WDR54: variants seen among roughly 807,000 people sequenced by gnomAD.
The protein encoded by WDR54 is WD repeat-containing protein 54.
In WDR54, 44 loss-of-function variants were observed where a neutral mutation model predicts 44.1. That is an observed-to-expected ratio of 1.00 (90% confidence interval 0.78 to 1.28). WDR54 has a LOEUF of 1.28. Ranked by LOEUF, WDR54 falls within the 50% of genes most tolerant of loss-of-function variation. The pLI, the probability that WDR54 is intolerant of heterozygous loss-of-function variation, is 0.00. For missense variants in WDR54, 409 were observed against 429.7 expected (o/e 0.95, Z 0.43); for synonymous variants, 169 against 169.8 (o/e 1.00, Z 0.04).
Position 74,423,870 on chromosome 2 carries a change from G to C in WDR54, c.422G>C (p.Arg141Pro), listed in dbSNP as rs753843700. ...HFICVGTWSG[R>P]VLVFDIPAKG... ...CTGGATACAGGAACGTGGTCAGGCCGGGTGCTGGTGTTTGACATCCCAGCA... is the reference window on the plus strand; with the variant it reads ...CTGGATACAGGAACGTGGTCAGGCCCGGTGCTGGTGTTTGACATCCCAGCA... Residue 141 changes from arginine to proline, a missense_variant, in exon 6 of 10, where the codon CGG becomes CCG. Coordinates refer to ENST00000348227, the MANE Select transcript of WDR54 (RefSeq NM_032118.4). 1.2e-6 allele frequency: 2 copies of C among 1,613,990 alleles called. No homozygotes were observed. Among genetic ancestry groups the C allele is most frequent in the African/African-American group, 2.7e-5 (2 of 74,906 alleles).
chr2:74,424,178 G>C (rs1309853558), intron 6 of WDR54, among the ~76,000 whole-genome samples, 196 bp downstream of exon 6: 2 of 152,222 alleles, frequency 1.3e-5, no homozygotes, highest in African/African-American at 4.8e-5. Flanking sequence ...AGTTAATTAA[G>C]ACTTTATAAT....
At chr2:74,424,839 G>A in intron 6 of WDR54, 36 bp from the exon 7 acceptor site, 1 of 1,613,006 alleles carries the variant, frequency 6.2e-7, no homozygotes, top group Admixed American at 1.7e-5. Flanking sequence ...CATAGCAGGG[G>A]AGAAAGGGAA....
In WDR54 at chr2:74,422,355, A is replaced by C. The variant is rs775681644; in HGVS notation, c.202A>C (p.Ser68Arg). 8.1e-6 allele frequency: 13 copies of C among 1,612,988 alleles called. No individual in the cohort carries two copies. In the African/African-American group the frequency reaches 1.3e-4, roughly 17 times the overall value. Reference protein sequence around the residue: ...QLHAKEGAGVSPPLITQVHWC... With the variant: ...QLHAKEGAGVRPPLITQVHWC... ...CCACGCTAAGGAGGGTGCTGGAGTG[A>C]GTCCCCCACTTATCACTCAGGTGAG... The change falls in exon 2 of 10, where the codon AGT becomes CGT. Residue 68 changes from serine to arginine, a missense_variant. Transcript: ENST00000348227.
chr2:74,423,784 G>A (rs1337070830), intron 5 of WDR54, 71 bp from the exon 6 acceptor site: 15 of 1,588,436 alleles, frequency 9.4e-6, no homozygotes, highest in East Asian at 2.2e-5. Context: ...GATGGAGTAA[G>A]TGTTGAGTAT....
intron 3 of WDR54, 108 bp from the exon 4 acceptor site, chr2:74,423,211 C>A: frequency 7.6e-7 from 1 of 1,318,294 alleles, no homozygotes; most frequent in Non-Finnish European, 1.1e-6. Context: ...GTACCTACAT[C>A]CCAGATTTGT....
At chr2:74,424,431 A>G (rs1475650836) in intron 6 of WDR54, among the ~76,000 whole-genome samples, 1 of 152,230 alleles carries the variant, frequency 6.6e-6, no homozygotes. Flanking sequence ...ACCTCTTGAG[A>G]ACAGGGTGTA....
chr2:74,422,481 G>C, intron 2 of WDR54, 106 bp downstream of exon 2: 1 of 1,309,604 alleles, frequency 7.6e-7, no homozygotes, highest in Non-Finnish European at 1.0e-6. Flanking sequence ...AATCTCCCCA[G>C]GCATGTCCTA....
intron 2 of WDR54, 159 bp downstream of exon 2, chr2:74,422,534 C>G: frequency 1.1e-6 from 1 of 885,404 alleles, no homozygotes; most frequent in Non-Finnish European, 1.7e-6. Context: ...GTGGCTCACG[C>G]CTGTAATCCC....
At chr2:74,424,394 A>G (rs1394111156) in intron 6 of WDR54, among the ~76,000 whole-genome samples, 1 of 151,862 alleles carries the variant, frequency 6.6e-6, no homozygotes, top group Non-Finnish European at 1.5e-5. Flanking sequence ...TCAAAAGACA[A>G]CTCTTGTCTC....
Position 74,425,062 on chromosome 2 carries a change from G to A in WDR54, c.636-13G>A. 6.2e-7 allele frequency: 1 copy of A among 1,611,808 alleles called. No homozygotes were observed. Among genetic ancestry groups the A allele is most frequent in the East Asian group, 2.2e-5 (1 of 44,810 alleles). On this transcript the variant is annotated splice_polypyrimidine_tract_variant and intron_variant, in intron 7 of 9. Transcript: ENST00000348227. ...TGATCTGGGCAAAACAAAGTTGGGT[G>A]TCACCCTTGCAGAGTTCCGTGCCCC... is the stretch of plus-strand genomic sequence containing the variant.
At chr2:74,424,780 C>A in intron 6 of WDR54, 95 bp from the exon 7 acceptor site, 1 of 1,494,268 alleles carries the variant, frequency 6.7e-7, no homozygotes. Flanking sequence ...CCTGGAGAGG[C>A]AAAGATGCAC....
chr2:74,425,505 G>T lies in WDR54; in HGVS notation c.873+14G>T. On this transcript the variant is annotated intron_variant, in intron 9 of 9. Transcript: ENST00000348227. ...GGCTACATTGAGGTATGTGTCATGG[G>T]GTGGGTGGAATGGGGGGGCCCAAGC... is the stretch of plus-strand genomic sequence containing the variant. 6.2e-7 allele frequency: 1 copy of T among 1,614,228 alleles called. No individual in the cohort carries two copies. The highest frequency in any genetic ancestry group is 8.5e-7 in the Non-Finnish European group (1 of 1,180,036).
chr2:74,423,220 G>A (rs560351934), intron 3 of WDR54, 99 bp from the exon 4 acceptor site: 2 of 1,399,714 alleles, frequency 1.4e-6, no homozygotes, highest in Admixed American at 3.4e-5. Context: ...TCCCAGATTT[G>A]TTTTGAGGAT....
rs918473407 is a variant in WDR54, at chr2:74,423,917, A to G, written c.469A>G (p.Ser157Gly). 8 of 1,613,934 alleles carry G rather than the reference A, an allele frequency of 5.0e-6. No individual in the cohort carries two copies. The African/African-American group carries it at 1.1e-4, about 22-fold the overall frequency. The part of the protein sequence containing the change: ...IPAKGPNIVL[S>G]EELAGHQMPI... ...AGCAAAGGGTCCCAACATTGTACTG[A>G]GCGAGGAGCTGGCTGGGCACCAGAT... The change falls in exon 6 of 10, where the codon AGC becomes GGC. Residue 157 changes from serine (S) to glycine (G), a missense_variant. Ser to Gly is a moderately conservative substitution (Grantham distance 56). Coordinates refer to ENST00000348227, the MANE Select transcript of WDR54 (RefSeq NM_032118.4).
intron 6 of WDR54, 97 bp downstream of exon 6, chr2:74,424,079 G>C (rs1670247658): frequency 1.3e-6 from 2 of 1,484,192 alleles, no homozygotes; most frequent in African/African-American, 2.8e-5. Flanking sequence ...ACAGGTGGAT[G>C]GCTTTGGGCA....
intron 1 of WDR54, 89 bp from the exon 2 acceptor site, chr2:74,422,064 T>G (rs1460531519): frequency 2.9e-6 from 4 of 1,390,674 alleles, no homozygotes; most frequent in Non-Finnish European, 4.0e-6. Flanking sequence ...CTCAGGCATC[T>G]TCCGAAATGC....
At chr2:74,423,715 G>C in intron 5 of WDR54, 140 bp from the exon 6 acceptor site, 1 of 1,452,598 alleles carries the variant, frequency 6.9e-7, no homozygotes, top group Middle Eastern at 1.8e-4. Context: ...CAAGGCTAGT[G>C]AATGAAGGGG....
rs375682465 is a variant in WDR54 at position 74,425,443 on chromosome 2, T to C, written c.825T>C (p.Phe275=). Reference sequence around the variant, plus strand: ...TACTCTCTGCAGGTGAGGACACCTTTGTGCATATCTGGAAGCTGAGCAGAA... The same window carrying C: ...TACTCTCTGCAGGTGAGGACACCTTCGTGCATATCTGGAAGCTGAGCAGAA... ...GKLLSAGEDT[F]VHIWKLSRNP... Residue 275 remains phenylalanine (F), a synonymous_variant, in exon 9 of 10, where the codon TTT becomes TTC. Coordinates refer to ENST00000348227, the MANE Select transcript of WDR54 (RefSeq NM_032118.4). 6.2e-7 allele frequency: 1 copy of C among 1,614,094 alleles called. No homozygotes were observed. The highest frequency in any genetic ancestry group is 1.3e-5 in the African/African-American group (1 of 74,916).
In WDR54 at chr2:74,421,805, C is replaced by G. The variant is rs1375729760; in HGVS notation, c.-13C>G. ...CGAACCAGGAGTCAGGCGAGCCGAT[C>G]TGGGGCTGCAGGTGTTACCTCTGAT... is the stretch of plus-strand genomic sequence containing the variant. On this transcript the variant is annotated 5_prime_UTR_variant, in exon 1 of 10. It adds an upstream start codon to the 5' untranslated region. Coordinates refer to ENST00000348227, the MANE Select transcript of WDR54 (RefSeq NM_032118.4). 3 of 676,566 alleles carry G rather than the reference C, an allele frequency of 4.4e-6. No individual in the cohort carries two copies. In the South Asian group the frequency reaches 4.9e-5, roughly 11 times the overall value. 41.9% of individuals were successfully genotyped at this position (676,566 alleles called of 1,614,324 possible). A position where few individuals can be genotyped will look rare whatever the true frequency, so the allele number is the denominator to read the frequency against.
Sources: gnomAD v4.1 joint callset for allele counts (sites outside exome capture counted in the v4.1 genomes callset) on GRCh38, gnomAD v4.1.1 for gene constraint, MANE v1.5 for transcripts, NCBI Gene and HGNC (gene_info 2026-07-23, HGNC 2026-07-21) for gene names.